The following LDB3 variants were observed in gnomAD, a reference collection of about 807,000 sequenced individuals.
LDB3 encodes LIM domain binding 3.
Under a neutral mutation model 69.0 loss-of-function variants are expected in LDB3, and 49 were observed. The ratio of observed to expected loss-of-function variants is 0.71; its 90% CI spans 0.56 to 0.90. The LOEUF (loss-of-function observed/expected upper bound fraction) is 0.90, where lower values mean the gene tolerates loss of function less well. Among genes scored for constraint, LDB3 ranks in the 40% least tolerant of loss-of-function variants. LDB3 has a pLI of 0.00. For missense variants in LDB3, 928 were observed against 974.1 expected, an observed-to-expected ratio of 0.95 and a Z score of 0.63; for synonymous variants, 387 against 396.2, an observed-to-expected ratio of 0.98 and a Z score of 0.28.
chr10:86,702,275 C>T (rs1589659575), intron 7 of LDB3, among the ~76,000 whole-genome samples: 2 of 152,158 alleles, frequency 1.3e-5, no homozygotes, highest in Admixed American at 6.5e-5. Flanking sequence ...CCACCATCAC[C>T]AACAGTTCTG....
Position 86,685,394 on chromosome 10 carries a change from T to C in LDB3, c.689+3591T>C, listed in dbSNP as rs1845412234. Among the ~76,000 whole-genome samples, 5 of 152,282 alleles carry C rather than the reference T, an allele frequency of 3.3e-5. 1 individual carries two copies. The highest frequency in any genetic ancestry group is 1.2e-4 in the African/African-American group (5 of 41,542). On this transcript the variant is annotated intron_variant, in intron 5 of 13. Coordinates refer to ENST00000361373, the MANE Select transcript of LDB3 (RefSeq NM_007078.3). ...TTCATGTATGCGGTACGAGTGCCCC[T>C]GAAGATAGACAAGAAAACCCTTCTT...
intron 7 of LDB3, among the ~76,000 whole-genome samples, chr10:86,695,607 T>C (rs948084157): frequency 1.3e-5 from 2 of 152,246 alleles, no homozygotes; most frequent in East Asian, 3.8e-4. Context: ...ACATGGGAAC[T>C]ACTCTAGTAG....
At chr10:86,694,295 T>G (rs1046008047) in intron 7 of LDB3, among the ~76,000 whole-genome samples, 23 of 152,252 alleles carry the variant, frequency 1.5e-4, no homozygotes, top group Middle Eastern at 3.4e-3. Flanking sequence ...TTCTGCCTGG[T>G]CTTGAGGGTA....
At chr10:86,683,189 G>T (rs1305766452) in intron 5 of LDB3, among the ~76,000 whole-genome samples, 1 of 152,174 alleles carries the variant, frequency 6.6e-6, no homozygotes, top group Non-Finnish European at 1.5e-5. Flanking sequence ...GGTGGCCTGG[G>T]ACTCCCAGGA....
At chr10:86,712,194 G>C (rs908531881) in intron 9 of LDB3, among the ~76,000 whole-genome samples, 1 of 152,146 alleles carries the variant, frequency 6.6e-6, no homozygotes, top group Admixed American at 6.5e-5. Flanking sequence ...TTCCTTCTCT[G>C]GGTGGGTTAG....
intron 7 of LDB3, among the ~76,000 whole-genome samples, chr10:86,696,432 G>A (rs1846003152): frequency 6.6e-6 from 1 of 152,246 alleles, no homozygotes; most frequent in African/African-American, 2.4e-5. Flanking sequence ...GCCCCTGGGA[G>A]GTCGTCTTTC....
chr10:86,668,366 C>T (rs918848457), upstream of LDB3: 4 of 426,174 alleles, frequency 9.4e-6, no homozygotes, highest in South Asian at 4.4e-5. Flanking sequence ...GTGCCGGACA[C>T]CCCTCCCCAG....
In LDB3 at chr10:86,726,122, T is replaced by A. The variant is rs1564662700; in HGVS notation, c.1979-15T>A. The A allele has an allele frequency of 1.2e-6, 2 of 1,607,112 alleles. No homozygotes were observed. Among genetic ancestry groups the A allele is most frequent in the Middle Eastern group, 1.8e-4 (1 of 5,520 alleles). On this transcript the variant is annotated splice_polypyrimidine_tract_variant and intron_variant, in intron 12 of 13. Transcript: ENST00000361373. ...CCCACTGGGTGCGGGGTCTTCACTC[T>A]GCTTTTCATTTCAGACTACATCAAT... is the stretch of plus-strand genomic sequence containing the variant.
upstream of LDB3, chr10:86,666,907 G>T: frequency 2.1e-6 from 1 of 465,892 alleles, no homozygotes; most frequent in Non-Finnish European, 4.4e-6. Flanking sequence ...TCCCACACTG[G>T]TTATGCCCTG....
intron 8 of LDB3, among the ~76,000 whole-genome samples, chr10:86,707,992 G>A (rs1846508145): frequency 6.6e-6 from 1 of 152,248 alleles, no homozygotes; most frequent in Non-Finnish European, 1.5e-5. Flanking sequence ...GTGGGAAGAA[G>A]CCTCCCAATA....
At chr10:86,712,113 C>T (rs906285595) in intron 9 of LDB3, among the ~76,000 whole-genome samples, 9 of 152,018 alleles carry the variant, frequency 5.9e-5, no homozygotes, top group Non-Finnish European at 1.2e-4. Flanking sequence ...ACTGCCTGCT[C>T]GCCCCCCGAC....
Position 86,699,292 on chromosome 10 carries a change from C to T in LDB3, c.896+6721C>T, listed in dbSNP as rs375798002. The T allele has an allele frequency of 4.2e-5, 67 of 1,613,282 alleles. No individual in the cohort carries two copies. The Middle Eastern group carries it at 4.9e-4, about 12-fold the overall frequency. ...CTGTGCCACAGGGAAAGGTTTGAAA[C>T]GGAACGTAACAGCCCACGTTTTGCC... On this transcript the variant is annotated intron_variant, in intron 7 of 13. Transcript: ENST00000361373. This position sits in a 1 kb window ranked among gnomAD's most constrained non-coding sequence, Gnocchi z 4.9.
At chr10:86,711,123 A>C (rs997871236) in intron 9 of LDB3, among the ~76,000 whole-genome samples, 19 of 152,240 alleles carry the variant, frequency 1.2e-4, no homozygotes, top group African/African-American at 4.1e-4. Flanking sequence ...CAGGGAGGGG[A>C]GGCTGGAGAG....
chr10:86,692,659 G>A (rs1845822437), intron 7 of LDB3, 88 bp downstream of exon 7: 1 of 1,174,068 alleles, frequency 8.5e-7, no homozygotes, highest in Admixed American at 1.7e-5. Context: ...TCATGGAAGG[G>A]ACCTCTCAAG....
upstream of LDB3, chr10:86,666,879 G>A (rs1322613316): frequency 2.1e-6 from 1 of 469,808 alleles, no homozygotes; most frequent in Non-Finnish European, 4.4e-6. Flanking sequence ...CTGGCCCTGA[G>A]GGTGGGTGCC....
At chr10:86,719,468 G>A (rs915305382) in intron 12 of LDB3, among the ~76,000 whole-genome samples, 1 of 152,004 alleles carries the variant, frequency 6.6e-6, no homozygotes, top group Admixed American at 6.5e-5. Flanking sequence ...TTTTGATTTG[G>A]AGACCACAAG....
chr10:86,667,375 C>G (rs1366313574), upstream of LDB3, among the ~76,000 whole-genome samples: 1 of 152,154 alleles, frequency 6.6e-6, no homozygotes, highest in African/African-American at 2.4e-5. Flanking sequence ...AACCAAGGAG[C>G]CAGGGTGGGC....
intron 12 of LDB3, among the ~76,000 whole-genome samples, chr10:86,724,475 G>A (rs760779992): frequency 5.4e-5 from 8 of 146,844 alleles, no homozygotes; most frequent in East Asian, 4.1e-4. Context: ...GTGGTGGCGC[G>A]TGCCTGCCCT....
chr10:86,676,224 G>A (rs924090278), intron 2 of LDB3, among the ~76,000 whole-genome samples: 2 of 152,168 alleles, frequency 1.3e-5, no homozygotes, highest in African/African-American at 4.8e-5. Context: ...CAGATTCCAG[G>A]GCAGGGGAAG....
Sources: gnomAD v4.1 joint callset for allele counts (sites outside exome capture counted in the v4.1 genomes callset) on GRCh38, gnomAD v4.1.1 for gene constraint, Gnocchi (gnomAD v3.1) non-coding constraint, MANE v1.5 for transcripts, NCBI Gene and HGNC (gene_info 2026-07-23, HGNC 2026-07-21) for gene names.